MYRIP: variants seen among roughly 807,000 people sequenced by gnomAD.
MYRIP encodes rab effector MyRIP.
MYRIP carries 49 observed loss-of-function variants against 98.0 expected under a neutral mutation model. That is an observed-to-expected ratio of 0.50 (90% CI 0.40 to 0.63). MYRIP has a LOEUF of 0.63. MYRIP is among the 30% of genes least tolerant of loss of function. MYRIP has a pLI of 0.00. For synonymous variants in MYRIP, 404 were observed against 409.5 expected, an observed-to-expected ratio of 0.99 and a Z score of 0.16; for missense variants, 1,004 against 1,058.2, an observed-to-expected ratio of 0.95 and a Z score of 0.71.
In MYRIP at chr3:40,251,865, A is replaced by G; in HGVS notation, c.2429-16A>G. The G allele has an allele frequency of 6.4e-7, 1 of 1,553,204 alleles. No individual in the cohort carries two copies. Among genetic ancestry groups the G allele is most frequent in the East Asian group, 2.2e-5 (1 of 44,542 alleles). On this transcript the variant is annotated splice_polypyrimidine_tract_variant and intron_variant, in intron 15 of 16. Transcript: ENST00000302541. ...CATCTTCTGGGTAACATTTTTTCCC[A>G]TTTATTTCCTTTTAGCTGAAAAAAT...
At chr3:40,101,054 C>T (rs1320440920) in intron 3 of MYRIP, among the ~76,000 whole-genome samples, 1 of 152,188 alleles carries the variant, frequency 6.6e-6, no homozygotes, top group Non-Finnish European at 1.5e-5. Context: ...CAACTTTTAG[C>T]TTTCTTTCAG....
At chr3:40,212,890 C>A (rs747001355) in intron 11 of MYRIP, among the ~76,000 whole-genome samples, 1 of 152,050 alleles carries the variant, frequency 6.6e-6, no homozygotes, top group Non-Finnish European at 1.5e-5. Flanking sequence ...AGCACTCCAG[C>A]CTGGGCAATG....
chr3:40,231,831 T>C (rs954237157), intron 11 of MYRIP, among the ~76,000 whole-genome samples: 4 of 152,250 alleles, frequency 2.6e-5, no homozygotes, highest in African/African-American at 9.6e-5. Flanking sequence ...AGGCACTGTG[T>C]CTACCAAATA....
chr3:40,079,854 A>G (rs565616434), intron 3 of MYRIP, among the ~76,000 whole-genome samples: 1 of 152,250 alleles, frequency 6.6e-6, no homozygotes, highest in South Asian at 2.1e-4. Context: ...TCTGTGAAGC[A>G]TATGTGATTC....
intron 1 of MYRIP, among the ~76,000 whole-genome samples, chr3:39,872,813 T>A (rs1267501813): frequency 6.6e-6 from 1 of 152,350 alleles, no homozygotes; most frequent in East Asian, 1.9e-4. Flanking sequence ...TGTATGTGTC[T>A]TTATAGCAGC....
At chr3:40,097,580 C>T (rs9311233) in intron 3 of MYRIP, among the ~76,000 whole-genome samples, 125,769 of 152,132 alleles carry the variant, frequency 0.83, 51,977 homozygotes, top group Admixed American at 0.87. Flanking sequence ...AAGTCCACCA[C>T]GATGGGTAAT....
intron 2 of MYRIP, among the ~76,000 whole-genome samples, chr3:39,920,058 C>T (rs2125689871): frequency 6.6e-6 from 1 of 151,844 alleles, no homozygotes. Context: ...TGTCTTCATC[C>T]TCATTTAAAA....
intron 2 of MYRIP, 32 bp from the exon 3 acceptor site, chr3:40,044,018 C>T (rs1395270264): frequency 6.2e-7 from 1 of 1,603,680 alleles, no homozygotes; most frequent in Non-Finnish European, 8.5e-7. Flanking sequence ...TGTTTCTCTC[C>T]TCCTCCCATT....
At chr3:40,223,572 T>G (rs1382940515) in intron 11 of MYRIP, among the ~76,000 whole-genome samples, 2 of 152,176 alleles carry the variant, frequency 1.3e-5, no homozygotes, top group Non-Finnish European at 2.9e-5. Context: ...GTTCTTAATT[T>G]TCACCCCAAT....
chr3:39,950,923 A>G (rs1944998585), intron 2 of MYRIP, among the ~76,000 whole-genome samples: 1 of 152,086 alleles, frequency 6.6e-6, no homozygotes, highest in South Asian at 2.1e-4. Flanking sequence ...TTTCTGTTAT[A>G]CCTTTTTGTA....
At chr3:39,831,286 A>G (rs1161538073) in intron 1 of MYRIP, among the ~76,000 whole-genome samples, 1 of 152,086 alleles carries the variant, frequency 6.6e-6, no homozygotes, top group Admixed American at 6.6e-5. Context: ...AAGCATATCT[A>G]TTTAGGCTGG....
At chr3:39,919,721 T>TGAGAGAGAGAGA (rs1392578651) in intron 2 of MYRIP, among the ~76,000 whole-genome samples, 2 of 146,932 alleles carry the variant, frequency 1.4e-5, no homozygotes, top group Non-Finnish European at 3.0e-5. Context: ...TGTGTGTGTG[T>TGAGAGAGAGAGA]GTGTGTGAGA....
At chr3:39,878,740 G>C (rs1943080898) in intron 1 of MYRIP, among the ~76,000 whole-genome samples, 2 of 152,116 alleles carry the variant, frequency 1.3e-5, no homozygotes, top group African/African-American at 4.8e-5. Flanking sequence ...TGACTTTGAT[G>C]AAAAATACTA....
At chr3:40,171,630 A>G (rs984651353) in intron 8 of MYRIP, among the ~76,000 whole-genome samples, 4 of 152,228 alleles carry the variant, frequency 2.6e-5, no homozygotes, top group Non-Finnish European at 5.9e-5. Context: ...CTCCTGGGGT[A>G]GGATTCTGGA....
At chr3:40,006,017 G>A (rs1032674725) in intron 2 of MYRIP, among the ~76,000 whole-genome samples, 1 of 152,110 alleles carries the variant, frequency 6.6e-6, no homozygotes, top group Non-Finnish European at 1.5e-5. Flanking sequence ...GTTAATATTG[G>A]TACAAGGAGC....
chr3:40,202,906 C>CTTAATTATTTAT, intron 10 of MYRIP, among the ~76,000 whole-genome samples: 1 of 142,512 alleles, frequency 7.0e-6, no homozygotes, highest in South Asian at 2.4e-4. Flanking sequence ...CCTCCATTTA[C>CTTAATTATTTAT]TTATTTATTT....
intron 1 of MYRIP, among the ~76,000 whole-genome samples, chr3:39,817,034 C>T (rs1334937149): frequency 6.6e-6 from 1 of 152,150 alleles, no homozygotes; most frequent in Non-Finnish European, 1.5e-5. Context: ...GCCTACTAAG[C>T]ATCATTTCCT....
At chr3:39,883,904 A>C (rs1162547211) in intron 1 of MYRIP, among the ~76,000 whole-genome samples, 1 of 152,034 alleles carries the variant, frequency 6.6e-6, no homozygotes, top group Non-Finnish European at 1.5e-5. Context: ...ATTCAAAAAG[A>C]GTTATTATTC....
chr3:40,253,124 TATA>T (rs1953433886), intron 16 of MYRIP, among the ~76,000 whole-genome samples: 1 of 152,124 alleles, frequency 6.6e-6, no homozygotes, highest in African/African-American at 2.4e-5. Context: ...TAATAACCAA[TATA>T]ATAAGCACCC....
Sources: gnomAD v4.1 joint callset for allele counts (sites outside exome capture counted in the v4.1 genomes callset) on GRCh38, gnomAD v4.1.1 for gene constraint, MANE v1.5 for transcripts, NCBI Gene and HGNC (gene_info 2026-07-23, HGNC 2026-07-21) for gene names.